The following COG6 variants were observed in gnomAD, a reference collection of about 807,000 sequenced individuals.
COG6 encodes component of oligomeric golgi complex 6.
COG6 carries 74 observed loss-of-function variants against 88.8 expected under a neutral mutation model. That is an observed-to-expected ratio of 0.83 (90% CI 0.69 to 1.01). COG6 has a LOEUF of 1.01. Among genes scored for constraint, COG6 ranks in the 50% least tolerant of loss-of-function variants. The pLI is 0.00. For synonymous variants in COG6, 286 were observed against 278.7 expected (o/e 1.03, Z -0.26); for missense variants, 800 against 797.9 (o/e 1.00, Z -0.03).
chr13:39,693,965 TTAAG>T (rs1202262023), intron 11 of COG6, among the ~76,000 whole-genome samples: 1 of 151,828 alleles, frequency 6.6e-6, no homozygotes, highest in Non-Finnish European at 1.5e-5. Context: ...GATACAATAT[TTAAG>T]TAAGCATTTA....
At chr13:39,713,628 C>T (rs953345284) in intron 13 of COG6, among the ~76,000 whole-genome samples, 6 of 151,842 alleles carry the variant, frequency 4.0e-5, no homozygotes, top group Non-Finnish European at 1.5e-5. Flanking sequence ...CCCAGCTACT[C>T]GGGAGGCCAA....
chr13:39,687,354 C>G, intron 8 of COG6, 149 bp from the exon 9 acceptor site: 1 of 721,922 alleles, frequency 1.4e-6, no homozygotes, highest in Non-Finnish European at 2.4e-6. Context: ...ATATTTTTTT[C>G]TTGTTTGAAA....
At chr13:39,752,715 C>T (rs1057267087), downstream of COG6, 4 of 1,110,054 alleles carry the variant, frequency 3.6e-6, no homozygotes, top group East Asian at 2.0e-4. Context: ...AAAGGAAATA[C>T]AACATAGGGC....
intron 4 of COG6, among the ~76,000 whole-genome samples, chr13:39,674,335 G>A (rs1244294303): frequency 6.6e-6 from 1 of 150,968 alleles, no homozygotes; most frequent in Non-Finnish European, 1.5e-5. Flanking sequence ...TTTTGTTTTG[G>A]TTTATATCTT....
intron 18 of COG6, among the ~76,000 whole-genome samples, chr13:39,745,783 C>T (rs539239221): frequency 1.1e-4 from 17 of 152,198 alleles, no homozygotes; most frequent in East Asian, 3.9e-4. Flanking sequence ...CACATGCACA[C>T]GTATGTTTAT....
chr13:39,707,373 C>T lies in COG6; in HGVS notation c.1284+7755C>T, dbSNP rs7995194. On this transcript the variant is annotated intron_variant, in intron 13 of 18. Coordinates refer to ENST00000455146, the MANE Select transcript of COG6 (RefSeq NM_020751.3). ...CTATCTCTTGACCTCATGATCCGCC[C>T]GCCTCAGCCTTCCAAAGTGCTGGGA... Among the ~76,000 whole-genome samples, 1,002 of 152,120 alleles carry T rather than the reference C, an allele frequency of 6.6e-3. 9 individuals carry two copies. The highest frequency in any genetic ancestry group is 0.022 in the African/African-American group (928 of 41,506).
intron 18 of COG6, among the ~76,000 whole-genome samples, chr13:39,771,177 G>A (rs1217784118): frequency 2.6e-5 from 4 of 152,122 alleles, no homozygotes; most frequent in Non-Finnish European, 4.4e-5. Flanking sequence ...AGGTTGATGG[G>A]CAGGGCCACC....
chr13:39,665,205 CAAAG>C (rs764126579), intron 4 of COG6, 51 bp downstream of exon 4: 16 of 951,710 alleles, frequency 1.7e-5, no homozygotes, highest in Non-Finnish European at 2.7e-5. Flanking sequence ...AGATTGGAGT[CAAAG>C]AAAATTATAT....
intron 13 of COG6, among the ~76,000 whole-genome samples, chr13:39,716,747 CA>C (rs1300606625): frequency 6.6e-6 from 1 of 152,072 alleles, no homozygotes; most frequent in South Asian, 2.1e-4. Context: ...GAATAGTATA[CA>C]AAAACTTTGC....
intron 1 of COG6, chr13:39,656,270 G>C (rs542120166): frequency 2.2e-6 from 1 of 455,360 alleles, no homozygotes; most frequent in Admixed American, 2.4e-5. Flanking sequence ...CAGATTCCAA[G>C]ATAAGGTAGC....
intron 1 of COG6, among the ~76,000 whole-genome samples, chr13:39,658,296 A>AC (rs1223366487): frequency 6.6e-6 from 1 of 151,750 alleles, no homozygotes; most frequent in Non-Finnish European, 1.5e-5. Context: ...GGCACATGCC[A>AC]CCATACCTGG....
Position 39,752,491 on chromosome 13 carries a change from T to C in COG6, c.*1398T>C. 3.5e-6 allele frequency: 4 copies of C among 1,142,288 alleles called. No homozygotes were observed. The highest frequency in any genetic ancestry group is 4.6e-6 in the Non-Finnish European group (4 of 877,236). The allele number at this position is 1,142,288 out of a possible 1,614,324, so 70.8% of individuals were successfully genotyped here. A position where few individuals can be genotyped will look rare whatever the true frequency, so the allele number is the denominator to read the frequency against. ...ATAAAGACAGAAAATAAAGTATAAA[T>C]CAAGAGCTTAAATTGTATATAATTT... On this transcript the variant is annotated 3_prime_UTR_variant, in exon 19 of 19. Coordinates refer to ENST00000455146, the MANE Select transcript of COG6 (RefSeq NM_020751.3).
chr13:39,728,471 C>A (rs1239498506), intron 18 of COG6, among the ~76,000 whole-genome samples: 2 of 146,898 alleles, frequency 1.4e-5, no homozygotes, highest in African/African-American at 5.0e-5. Flanking sequence ...CTATGGACCA[C>A]TTTTTTTTTT....
chr13:39,776,273 C>A (rs1881461671), intron 18 of COG6, among the ~76,000 whole-genome samples: 1 of 152,168 alleles, frequency 6.6e-6, no homozygotes, highest in Non-Finnish European at 1.5e-5. Flanking sequence ...CAAGAGGATA[C>A]AACTTGTGTG....
At chr13:39,768,307 A>T (rs1236814977) in intron 18 of COG6, among the ~76,000 whole-genome samples, 1 of 152,182 alleles carries the variant, frequency 6.6e-6, no homozygotes, top group Non-Finnish European at 1.5e-5. Flanking sequence ...GGGCAGCTGA[A>T]CCCGGAACAC....
chr13:39,729,049 G>A (rs1372579462), intron 18 of COG6, among the ~76,000 whole-genome samples: 3 of 152,148 alleles, frequency 2.0e-5, no homozygotes, highest in South Asian at 2.1e-4. Flanking sequence ...ATATTAGAAT[G>A]TTGTTAGCCA....
At chr13:39,724,607 G>T in intron 17 of COG6, 46 bp downstream of exon 17, 1 of 1,368,336 alleles carries the variant, frequency 7.3e-7, no homozygotes, top group South Asian at 1.2e-5. Context: ...CTTATGGATC[G>T]ATAGTCTTCA....
At chr13:39,666,416 T>G (rs2137958939) in intron 4 of COG6, among the ~76,000 whole-genome samples, 1 of 152,180 alleles carries the variant, frequency 6.6e-6, no homozygotes, top group South Asian at 2.1e-4. Context: ...AATAAATAAG[T>G]AAAAATAGTT....
At position 39,719,226 on chromosome 13, in the gene COG6, C is replaced by T. The variant is rs754115454; in HGVS notation, c.1285-10C>T. ...AATATAAGGAGTGGGTAAATCATCT[C>T]TTGTTTTAGGTTGAACTCCCACCAC... is the stretch of plus-strand genomic sequence containing the variant. On this transcript the variant is annotated splice_polypyrimidine_tract_variant and intron_variant, in intron 13 of 18. Transcript: ENST00000455146. 8.1e-6 allele frequency: 13 copies of T among 1,611,810 alleles called. No individual in the cohort carries two copies. The highest frequency in any genetic ancestry group is 3.3e-5 in the Admixed American group (2 of 59,874).
Sources: allele counts gnomAD v4.1 joint callset (sites outside exome capture counted in the v4.1 genomes callset), GRCh38; gene constraint gnomAD v4.1.1; transcripts MANE v1.5; gene names NCBI Gene and HGNC (gene_info 2026-07-23, HGNC 2026-07-21).